SLC25A40: variants seen among roughly 807,000 people sequenced by gnomAD.
SLC25A40 encodes the protein solute carrier family 25 member 40.
Under a neutral mutation model 46.5 loss-of-function variants are expected in SLC25A40, and 41 were observed. That is an observed-to-expected ratio of 0.88 (90% CI 0.69 to 1.14). SLC25A40 has a LOEUF of 1.14. Among genes scored for constraint, SLC25A40 ranks in the 50% most tolerant of loss-of-function variants. The pLI, the probability that SLC25A40 is intolerant of heterozygous loss-of-function variation, is 0.00. For synonymous variants in SLC25A40, 126 were observed against 127.5 expected (o/e 0.99, Z 0.08); for missense variants, 386 against 393.6 (o/e 0.98, Z 0.16).
At chr7:87,864,077 G>T (rs1838749405) in intron 1 of SLC25A40, among the ~76,000 whole-genome samples, 1 of 152,192 alleles carries the variant, frequency 6.6e-6, no homozygotes, top group African/African-American at 2.4e-5. Context: ...ATGTCAGTTA[G>T]GGCTGTGTAG....
intron 1 of SLC25A40, among the ~76,000 whole-genome samples, chr7:87,874,943 A>T (rs898770560): frequency 6.6e-6 from 1 of 152,222 alleles, no homozygotes; most frequent in Non-Finnish European, 1.5e-5. Context: ...CAAAGCTTTA[A>T]CTACATTCTA....
chr7:87,875,143 T>C lies in SLC25A40; in HGVS notation c.-94+953A>G, dbSNP rs1020280238. Reference sequence around the variant, plus strand: ...TGAATTGCCCCATGATTGACATCAATAGACCTTGATGCAGAAATATTTTAT... The same window carrying C: ...TGAATTGCCCCATGATTGACATCAACAGACCTTGATGCAGAAATATTTTAT... On this transcript the variant is annotated intron_variant, in intron 1 of 11. Transcript: ENST00000341119. Among the ~76,000 whole-genome samples, 9 of 152,250 alleles carry C rather than the reference T, an allele frequency of 5.9e-5. 1 individual carries two copies. Among genetic ancestry groups the C allele is most frequent in the African/African-American group, 1.4e-4 (6 of 41,472 alleles).
At chr7:87,845,845 A>G (rs1838408690) in intron 8 of SLC25A40, among the ~76,000 whole-genome samples, 1 of 152,178 alleles carries the variant, frequency 6.6e-6, no homozygotes, top group Non-Finnish European at 1.5e-5. Flanking sequence ...TGACAATAAA[A>G]AAGTTGGAAA....
chr7:87,860,775 TGAA>T (rs1296118122), intron 1 of SLC25A40, 135 bp from the exon 2 acceptor site: 3 of 152,224 alleles, frequency 2.0e-5, no homozygotes, highest in Non-Finnish European at 4.4e-5. Context: ...CTAATTGCTT[TGAA>T]GAATATAAAG....
At chr7:87,871,126 C>A (rs895062304) in intron 1 of SLC25A40, among the ~76,000 whole-genome samples, 1 of 152,192 alleles carries the variant, frequency 6.6e-6, no homozygotes, top group Non-Finnish European at 1.5e-5. Flanking sequence ...CACTCCCCAT[C>A]ATGTGAGGGG....
intron 8 of SLC25A40, among the ~76,000 whole-genome samples, chr7:87,845,638 T>C (rs556644266): frequency 1.3e-5 from 2 of 152,214 alleles, no homozygotes; most frequent in South Asian, 4.2e-4. Context: ...TGGAGATCAC[T>C]GCAATAGGTG....
chr7:87,836,759 G>T lies in SLC25A40; in HGVS notation c.875C>A (p.Ala292Asp). ...AAATAATCCGGAAAATCCATTTTTA[G>T]CAACAATGTTCTTCATTATAATCCA... ...STWIIMKNIV[A>D]KNGFSGLFSG... Residue 292 changes from alanine (A) to aspartate (D), a missense_variant, in exon 11 of 12, where the codon GCT (alanine) becomes GAT (aspartate). Ala to Asp is a moderately radical substitution (Grantham distance 126). Transcript: ENST00000341119. 6.5e-7 allele frequency: 1 copy of T among 1,546,072 alleles called. No homozygotes were observed. The highest frequency in any genetic ancestry group is 8.7e-7 in the Non-Finnish European group (1 of 1,150,514).
intron 1 of SLC25A40, among the ~76,000 whole-genome samples, chr7:87,862,471 T>C (rs1838721844): frequency 1.3e-5 from 2 of 152,124 alleles, no homozygotes; most frequent in Non-Finnish European, 2.9e-5. Flanking sequence ...CATGAGCCCT[T>C]CTTGAGAAAC....
At chr7:87,868,111 G>T (rs1318488979) in intron 1 of SLC25A40, among the ~76,000 whole-genome samples, 1 of 152,140 alleles carries the variant, frequency 6.6e-6, no homozygotes, top group East Asian at 1.9e-4. Context: ...CACTGCCAAT[G>T]CTTCCAATGA....
At chr7:87,875,785 G>C (rs1275246318) in intron 1 of SLC25A40, among the ~76,000 whole-genome samples, 1 of 152,244 alleles carries the variant, frequency 6.6e-6, no homozygotes, top group Admixed American at 6.5e-5. Flanking sequence ...TGACCTGGAG[G>C]CGTTCTGCGG....
chr7:87,854,503 G>A (rs190569760), intron 4 of SLC25A40, among the ~76,000 whole-genome samples, 193 bp from the exon 5 acceptor site: 2 of 152,156 alleles, frequency 1.3e-5, no homozygotes, highest in Non-Finnish European at 2.9e-5. Context: ...TAATGCTACT[G>A]CAATGCATTC....
intron 10 of SLC25A40, among the ~76,000 whole-genome samples, chr7:87,840,449 G>A (rs891258383): frequency 1.3e-5 from 2 of 151,692 alleles, no homozygotes; most frequent in African/African-American, 4.8e-5. Context: ...GAATCTACCT[G>A]TACAGATTCC....
chr7:87,857,832 T>C (rs1031821720), intron 3 of SLC25A40, among the ~76,000 whole-genome samples: 3 of 152,210 alleles, frequency 2.0e-5, no homozygotes, highest in African/African-American at 4.8e-5. Flanking sequence ...AAGACAACCA[T>C]AAGGTCTGAC....
At chr7:87,836,404 T>G in intron 11 of SLC25A40, 43 bp from the exon 12 acceptor site, 2 of 1,217,706 alleles carry the variant, frequency 1.6e-6, no homozygotes, top group Non-Finnish European at 2.2e-6. Flanking sequence ...ATTTTTTTCT[T>G]ACCTTATTTT....
intron 1 of SLC25A40, among the ~76,000 whole-genome samples, chr7:87,871,947 A>G (rs536936843): frequency 6.6e-6 from 1 of 152,324 alleles, no homozygotes; most frequent in African/African-American, 2.4e-5. Flanking sequence ...TGTTGAATTT[A>G]TCAGCATAAG....
intron 10 of SLC25A40, among the ~76,000 whole-genome samples, chr7:87,839,215 A>G (rs908457539): frequency 6.6e-6 from 1 of 151,586 alleles, no homozygotes; most frequent in African/African-American, 2.4e-5. Flanking sequence ...GTTCCTTGGT[A>G]TTACTAAAAT....
At chr7:87,845,730 A>C (rs886532814) in intron 8 of SLC25A40, among the ~76,000 whole-genome samples, 7 of 152,216 alleles carry the variant, frequency 4.6e-5, no homozygotes, top group Non-Finnish European at 8.8e-5. Flanking sequence ...ATCAATTATG[A>C]ATAAATGAAT....
rs559859312 is a variant in SLC25A40 at position 87,875,805 on chromosome 7, C to G, written c.-94+291G>C. Among the ~76,000 whole-genome samples the G allele has an allele frequency of 3.3e-5, 5 of 152,352 alleles. No homozygotes were observed. In the East Asian group the frequency reaches 5.8e-4, roughly 18 times the overall value. ...TGGAGGCGTTCTGCGGTGGCGCTGC[C>G]GTCAAGGCCGGGGCCGCCTGGCCAG... On this transcript the variant is annotated intron_variant, in intron 1 of 11. Coordinates refer to ENST00000341119, the MANE Select transcript of SLC25A40 (RefSeq NM_018843.4).
At chr7:87,875,547 A>ATT (rs544988228) in intron 1 of SLC25A40, among the ~76,000 whole-genome samples, 24 of 143,580 alleles carry the variant, frequency 1.7e-4, no homozygotes, top group Admixed American at 9.7e-4. Context: ...GAAGAAACAG[A>ATT]TTTTTTTTTT....
Sources: allele counts gnomAD v4.1 joint callset (sites outside exome capture counted in the v4.1 genomes callset), GRCh38; gene constraint gnomAD v4.1.1; transcripts MANE v1.5; gene names NCBI Gene and HGNC (gene_info 2026-07-23, HGNC 2026-07-21).